KANK1: variants seen among roughly 807,000 people sequenced by gnomAD.
The protein encoded by KANK1 is KN motif and ankyrin repeat domains 1.
Under a neutral mutation model 106.2 loss-of-function variants are expected in KANK1, and 109 were observed. The ratio of observed to expected loss-of-function variants is 1.03; its 90% CI spans 0.88 to 1.20. The LOEUF is 1.20. KANK1 is among the 50% of genes most tolerant of loss of function. The probability of loss-of-function intolerance (pLI) is 0.00; values close to 1 mark genes in which losing one functional copy is unlikely to be tolerated. For synonymous variants in KANK1, 873 were observed against 652.2 expected (o/e 1.34, Z -5.16); for missense variants, 2,399 against 1,710.7 (o/e 1.40, Z -7.10).
At chr9:599,855 A>T (rs1588138416) in intron 1 of KANK1, among the ~76,000 whole-genome samples, 1 of 151,856 alleles carries the variant, frequency 6.6e-6, no homozygotes, top group Non-Finnish European at 1.5e-5. Flanking sequence ...CTCCTTGTAT[A>T]TCGAGGGATG....
rs112732108 is a variant in KANK1, at chr9:616,581, C to T, written c.-83-60309C>T. Among the ~76,000 whole-genome samples the T allele has an allele frequency of 7.1e-3, 1,085 of 152,316 alleles. 4 individuals carry two copies. The highest frequency in any genetic ancestry group is 0.012 in the Non-Finnish European group (829 of 68,032). On this transcript the variant is annotated intron_variant, in intron 1 of 11. Transcript: ENST00000382297. ...TTCTGAATACTTTATATCCTCTATC[C>T]TTCCATCCAGGCTTGGCTTTACTAA...
chr9:617,569 C>G (rs1477009855), intron 1 of KANK1, among the ~76,000 whole-genome samples: 1 of 152,174 alleles, frequency 6.6e-6, no homozygotes. Flanking sequence ...ACCTTTACAG[C>G]TACTTGATGG....
chr9:743,990 C>T (rs903251223), intron 10 of KANK1, among the ~76,000 whole-genome samples: 18 of 152,126 alleles, frequency 1.2e-4, no homozygotes, highest in Non-Finnish European at 2.5e-4. Context: ...TAGTGTTTCC[C>T]CTCTTATTTC....
intron 1 of KANK1, among the ~76,000 whole-genome samples, chr9:638,401 C>G (rs911966393): frequency 1.3e-5 from 2 of 152,138 alleles, no homozygotes; most frequent in African/African-American, 4.8e-5. Flanking sequence ...AGGTTTTGCT[C>G]TCATCATCAT....
Position 688,248 on chromosome 9 carries a change from G to A in KANK1, c.37+11239G>A, listed in dbSNP as rs571102131. Among the ~76,000 whole-genome samples, 37 of 152,274 alleles carry A rather than the reference G, an allele frequency of 2.4e-4. 2 individuals carry two copies. In the South Asian group the frequency reaches 7.3e-3, roughly 30 times the overall value. On this transcript the variant is annotated intron_variant, in intron 2 of 11. Transcript: ENST00000382297. ...TGTCACACACACACTCTTGCGTTCTGCCTCCTCTCGTGAAAGTTGTAGTTA... is the reference window on the plus strand; with the variant it reads ...TGTCACACACACACTCTTGCGTTCTACCTCCTCTCGTGAAAGTTGTAGTTA...
chr9:592,585 G>C, intron 1 of KANK1, among the ~76,000 whole-genome samples: 1 of 151,838 alleles, frequency 6.6e-6, no homozygotes, highest in East Asian at 1.9e-4. Flanking sequence ...ATTTATAGAA[G>C]AAATGAATCA....
intron 9 of KANK1, 49 bp from the exon 10 acceptor site, chr9:742,156 C>G: frequency 1.9e-6 from 3 of 1,539,958 alleles, no homozygotes; most frequent in Non-Finnish European, 2.7e-6. Context: ...GAGGCCACCA[C>G]TGCCAGCTCA....
intron 3 of KANK1, among the ~76,000 whole-genome samples, chr9:714,485 G>C (rs1343974855): frequency 6.7e-6 from 1 of 150,088 alleles, no homozygotes; most frequent in Non-Finnish European, 1.5e-5. Context: ...TCAACCTCCT[G>C]AGTAGCTGGG....
At chr9:623,991 C>G (rs1833791094) in intron 1 of KANK1, among the ~76,000 whole-genome samples, 1 of 151,434 alleles carries the variant, frequency 6.6e-6, no homozygotes, top group Admixed American at 6.6e-5. Flanking sequence ...TGCCATTTAT[C>G]TTAGGAATGG....
rs888902548 is a variant in KANK1 at position 472,163 on chromosome 9, G to A, written c.-441-1031G>A. 2.6e-5 allele frequency among the ~76,000 whole-genome samples: 4 copies of A among 152,218 alleles called. No homozygotes were observed. The South Asian group carries it at 8.3e-4, about 32-fold the overall frequency. ...CCTACCTTATTCACAGCCTCTTATA[G>A]AGAGCTGGCCTGCCCACAGTCTCTG... On this transcript the variant is annotated intron_variant, in intron 2 of 15. Coordinates refer to the KANK1 transcript ENST00000382303.
intron 2 of KANK1, among the ~76,000 whole-genome samples, chr9:682,157 G>A (rs1290947426): frequency 6.6e-6 from 1 of 151,946 alleles, no homozygotes; most frequent in East Asian, 1.9e-4. Context: ...GTGGGCGCCT[G>A]TAATTCCAGC....
At chr9:648,576 A>G (rs1840226314) in intron 1 of KANK1, among the ~76,000 whole-genome samples, 1 of 152,206 alleles carries the variant, frequency 6.6e-6, no homozygotes, top group Admixed American at 6.5e-5. Flanking sequence ...AATTAAAATG[A>G]CATCATCATC....
At position 508,121 on chromosome 9, in the gene KANK1, C is replaced by CTTTT. The variant is rs71314711; in HGVS notation, c.-84+3398_-84+3401dup. Among the ~76,000 whole-genome samples, 86 of 39,186 alleles carry CTTTT rather than the reference C, an allele frequency of 2.2e-3. 2 individuals are homozygous for CTTTT. Among genetic ancestry groups the CTTTT allele is most frequent in the Admixed American group, 3.3e-3 (7 of 2,100 alleles). 25.7% of individuals were successfully genotyped at this position (39,186 alleles called of 152,430 possible). A position where few individuals can be genotyped will look rare whatever the true frequency, so the allele number is the denominator to read the frequency against. ...ACAGGTGTGAGACACCCTGCTCAGC[C>CTTTT]TTTTTTTTTTTTTTTTTTTTTTTTT... is the stretch of plus-strand genomic sequence containing the variant. On this transcript the variant is annotated intron_variant, in intron 1 of 11. Coordinates refer to ENST00000382297, the MANE Select transcript of KANK1 (RefSeq NM_015158.5).
chr9:745,251 C>T lies in KANK1; in HGVS notation c.*16C>T. 6.2e-7 allele frequency: 1 copy of T among 1,613,732 alleles called. No homozygotes were observed. Among genetic ancestry groups the T allele is most frequent in the South Asian group, 1.1e-5 (1 of 91,052 alleles). ...ATTTGATTGATTGTATGCAAATAGC[C>T]CTTTATTTACATGCCACTATTAAGC... is the stretch of plus-strand genomic sequence containing the variant. On this transcript the variant is annotated 3_prime_UTR_variant, in exon 12 of 12. Coordinates refer to ENST00000382297, the MANE Select transcript of KANK1 (RefSeq NM_015158.5).
chr9:557,366 G>T (rs2061661839), intron 1 of KANK1, among the ~76,000 whole-genome samples: 1 of 152,014 alleles, frequency 6.6e-6, no homozygotes, highest in Non-Finnish European at 1.5e-5. Context: ...CTTAGTGATG[G>T]GTGCATTGTA....
At position 730,055 on chromosome 9, in the gene KANK1, T is replaced by C; in HGVS notation, c.2703T>C (p.Asn901=). Residue 901 remains asparagine (N), a synonymous_variant, in exon 4 of 12, where the codon AAT becomes AAC. Transcript: ENST00000382297. The stretch of plus-strand genomic sequence containing the variant: ...TACCTTTCTTTTTCCTGATAGGCAA[T>C]TATTTGGGATATACCTGTAAGTGTG... ...QKTSLGKITG[N]YLGYTCKCGG... 6.2e-7 allele frequency: 1 copy of C among 1,613,926 alleles called. No individual in the cohort carries two copies. Among genetic ancestry groups the C allele is most frequent in the Non-Finnish European group, 8.5e-7 (1 of 1,179,870 alleles).
intron 1 of KANK1, among the ~76,000 whole-genome samples, chr9:577,821 A>G (rs2135152265): frequency 6.6e-6 from 1 of 152,256 alleles, no homozygotes. Context: ...TACGCATGAG[A>G]AGTAGGATTT....
intron 1 of KANK1, among the ~76,000 whole-genome samples, chr9:529,741 G>T (rs535402248): frequency 6.6e-6 from 1 of 152,190 alleles, no homozygotes; most frequent in South Asian, 2.1e-4. Context: ...CAACAATGCT[G>T]CAAGGGGTAA....
At chr9:734,721 A>G (rs189483653) in intron 6 of KANK1, 27 bp from the exon 7 acceptor site, 22 of 1,493,372 alleles carry the variant, frequency 1.5e-5, no homozygotes, top group Middle Eastern at 3.4e-4. Flanking sequence ...CTTGTGACCA[A>G]TCGTAACTTG....
Sources: gnomAD v4.1 joint callset for allele counts (sites outside exome capture counted in the v4.1 genomes callset) on GRCh38, gnomAD v4.1.1 for gene constraint, MANE v1.5 for transcripts, NCBI Gene and HGNC (gene_info 2026-07-23, HGNC 2026-07-21) for gene names.